Variants in MAN1A1 observed in about 807,000 individuals in gnomAD.
The protein encoded by MAN1A1 is mannosyl-oligosaccharide 1,2-alpha-mannosidase IA.
A neutral mutation model predicts 70.8 loss-of-function variants in MAN1A1; 29 were observed. The ratio of observed to expected loss-of-function variants is 0.41; its 90% CI spans 0.31 to 0.56. The LOEUF (loss-of-function observed/expected upper bound fraction) is 0.56. MAN1A1 is among the 20% of genes least tolerant of loss of function. The probability of loss-of-function intolerance (pLI) is 0.29; values close to 1 mark genes in which losing one functional copy is unlikely to be tolerated. For synonymous variants in MAN1A1, 349 were observed against 330.1 expected, an observed-to-expected ratio of 1.06 and a Z score of -0.62; for missense variants, 747 against 841.3, an observed-to-expected ratio of 0.89 and a Z score of 1.39.
chr6:119,221,684 C>G (rs1774365657), intron 6 of MAN1A1, among the ~76,000 whole-genome samples: 1 of 152,032 alleles, frequency 6.6e-6, no homozygotes, highest in South Asian at 2.1e-4. Flanking sequence ...AACTCCTGAC[C>G]TCAAGTAATC....
chr6:119,266,793 T>C (rs1251924782), intron 5 of MAN1A1, among the ~76,000 whole-genome samples: 1 of 152,106 alleles, frequency 6.6e-6, no homozygotes, highest in Non-Finnish European at 1.5e-5. Context: ...GTCAAGAGAA[T>C]GAGAAGACAA....
At chr6:119,338,624 A>C (rs1773524222) in intron 2 of MAN1A1, among the ~76,000 whole-genome samples, 1 of 152,232 alleles carries the variant, frequency 6.6e-6, no homozygotes, top group South Asian at 2.1e-4. Context: ...TTCAACTATT[A>C]GAAAAGCATC....
At chr6:119,347,295 A>G (rs1456167680) in intron 2 of MAN1A1, among the ~76,000 whole-genome samples, 2 of 152,214 alleles carry the variant, frequency 1.3e-5, no homozygotes, top group African/African-American at 4.8e-5. Flanking sequence ...AACCACCTCA[A>G]AAATCTGTTT....
intron 6 of MAN1A1, among the ~76,000 whole-genome samples, chr6:119,241,161 AG>A (rs1301954957): frequency 1.3e-5 from 2 of 152,228 alleles, no homozygotes; most frequent in Non-Finnish European, 2.9e-5. Context: ...TTAAAAAAAA[AG>A]TACAAGGGGA....
intron 6 of MAN1A1, among the ~76,000 whole-genome samples, chr6:119,208,592 G>A (rs148354454): frequency 1.5e-4 from 23 of 152,222 alleles, no homozygotes; most frequent in Middle Eastern, 3.4e-3. Flanking sequence ...ATAGCAATGG[G>A]CTTTATGTGC....
At chr6:119,249,648 G>A (rs1214830340) in intron 5 of MAN1A1, among the ~76,000 whole-genome samples, 1 of 152,124 alleles carries the variant, frequency 6.6e-6, no homozygotes, top group Admixed American at 6.5e-5. Flanking sequence ...AAGAAGTCAC[G>A]TGTGGCTTCT....
At chr6:119,249,488 G>T (rs1029940524) in intron 5 of MAN1A1, among the ~76,000 whole-genome samples, 1 of 152,156 alleles carries the variant, frequency 6.6e-6, no homozygotes, top group Admixed American at 6.5e-5. Context: ...CCTTTAAGCC[G>T]TATGACTGAG....
rs549929724 is a variant in MAN1A1 at position 119,239,308 on chromosome 6, T to A, written c.992+8952A>T. 3.3e-5 allele frequency among the ~76,000 whole-genome samples: 5 copies of A among 152,364 alleles called. No homozygotes were observed. In the East Asian group the frequency reaches 9.6e-4, roughly 29 times the overall value. On this transcript the variant is annotated intron_variant, in intron 6 of 12. Coordinates refer to ENST00000368468, the MANE Select transcript of MAN1A1 (RefSeq NM_005907.4). ...CCTGTACTTACGCGCAGCTGCACAT[T>A]AATTTCCAGATTTGTAAATTACAAT... is the stretch of plus-strand genomic sequence containing the variant.
chr6:119,295,451 GATA>G (rs5879499), intron 4 of MAN1A1, among the ~76,000 whole-genome samples: 57,075 of 151,546 alleles, frequency 0.38, 11,177 homozygotes, highest in Non-Finnish European at 0.41. Flanking sequence ...TCGAGGAACA[GATA>G]ATAAATTGTT....
intron 5 of MAN1A1, among the ~76,000 whole-genome samples, chr6:119,271,154 A>T (rs1047181877): frequency 1.3e-5 from 2 of 152,218 alleles, no homozygotes; most frequent in Non-Finnish European, 2.9e-5. Flanking sequence ...GTGTTTAGAT[A>T]CAAAAATGGG....
At chr6:119,207,853 G>A (rs1773921417) in intron 6 of MAN1A1, among the ~76,000 whole-genome samples, 1 of 152,184 alleles carries the variant, frequency 6.6e-6, no homozygotes, top group Admixed American at 6.5e-5. Context: ...GGCATTCCCG[G>A]TTACCAAAGG....
intron 6 of MAN1A1, among the ~76,000 whole-genome samples, chr6:119,236,687 G>A (rs532955399): frequency 7.0e-5 from 10 of 142,858 alleles, no homozygotes; most frequent in Admixed American, 5.7e-4. Context: ...CAGCCTGGGC[G>A]AGAAAGTGAG....
chr6:119,229,226 A>C (rs888171467), intron 6 of MAN1A1, among the ~76,000 whole-genome samples: 7 of 151,672 alleles, frequency 4.6e-5, no homozygotes, highest in Admixed American at 1.3e-4. Context: ...AAAAAAAAAA[A>C]AACAAAAAAT....
intron 6 of MAN1A1, among the ~76,000 whole-genome samples, chr6:119,213,713 T>C (rs745505275): frequency 1.3e-5 from 2 of 152,190 alleles, no homozygotes; most frequent in South Asian, 2.1e-4. Context: ...CTCAAAAAGA[T>C]AGTTACATAA....
chr6:119,229,168 T>C (rs1459615839), intron 6 of MAN1A1, among the ~76,000 whole-genome samples: 1 of 149,384 alleles, frequency 6.7e-6, no homozygotes, highest in African/African-American at 2.5e-5. Context: ...GAAGGACATA[T>C]AACAACAATT....
chr6:119,317,931 T>C (rs1772899542), intron 2 of MAN1A1, among the ~76,000 whole-genome samples: 1 of 152,156 alleles, frequency 6.6e-6, no homozygotes, highest in Non-Finnish European at 1.5e-5. Context: ...CTTAAAATTG[T>C]CCATTATTAA....
intron 8 of MAN1A1, among the ~76,000 whole-genome samples, chr6:119,194,503 T>C (rs1416752592): frequency 6.6e-6 from 1 of 152,154 alleles, no homozygotes; most frequent in African/African-American, 2.4e-5. Context: ...TTTAAATTTT[T>C]TGTAGAGACG....
intron 6 of MAN1A1, among the ~76,000 whole-genome samples, chr6:119,226,117 T>C (rs968762329): frequency 8.5e-5 from 13 of 152,218 alleles, no homozygotes; most frequent in Non-Finnish European, 1.5e-4. Context: ...TCTAAGTAAA[T>C]TGTAATCCCT....
intron 6 of MAN1A1, among the ~76,000 whole-genome samples, chr6:119,231,027 TAGC>T (rs1396332026): frequency 6.6e-6 from 1 of 152,132 alleles, no homozygotes; most frequent in East Asian, 1.9e-4. Context: ...CCTTTAAAAA[TAGC>T]AGGGTTTTGT....
Sources: allele counts gnomAD v4.1 joint callset (sites outside exome capture counted in the v4.1 genomes callset), GRCh38; gene constraint gnomAD v4.1.1; transcripts MANE v1.5; gene names NCBI Gene and HGNC (gene_info 2026-07-23, HGNC 2026-07-21).